The following GRID2 variants were observed in gnomAD, a reference collection of about 807,000 sequenced individuals.
The protein encoded by GRID2 is glutamate ionotropic receptor delta type subunit 2, also known as glutamate receptor ionotropic, delta-2.
GRID2 carries 33 observed loss-of-function variants against 114.8 expected under a neutral mutation model. The ratio of observed to expected loss-of-function variants is 0.29; its 90% CI spans 0.22 to 0.38. The LOEUF (loss-of-function observed/expected upper bound fraction) is 0.38, where lower values mean the gene tolerates loss of function less well. Ranked by LOEUF, GRID2 falls within the 10% of genes least tolerant of loss-of-function variation. The probability of loss-of-function intolerance (pLI) is 1.00; values close to 1 mark genes in which losing one functional copy is unlikely to be tolerated. For missense variants in GRID2, 1,184 were observed against 1,257.7 expected (o/e 0.94, Z 0.89); for synonymous variants, 505 against 449.9 (o/e 1.12, Z -1.55).
chr4:92,425,921 T>G lies in GRID2; in HGVS notation c.88+121177T>G, dbSNP rs188141477. ...TAGGTGTTATTATTATTTGTATTTTTTAATCAGGAAAATTATCCTCTATCT... is the reference window on the plus strand; with the variant it reads ...TAGGTGTTATTATTATTTGTATTTTGTAATCAGGAAAATTATCCTCTATCT... On this transcript the variant is annotated intron_variant, in intron 1 of 15. Transcript: ENST00000282020. Among the ~76,000 whole-genome samples, 3 of 152,238 alleles carry G rather than the reference T, an allele frequency of 2.0e-5. No individual in the cohort carries two copies. In the East Asian group the frequency reaches 5.8e-4, roughly 29 times the overall value.
intron 2 of GRID2, among the ~76,000 whole-genome samples, chr4:92,694,365 A>G (rs1221071804): frequency 6.6e-6 from 1 of 152,138 alleles, no homozygotes; most frequent in Non-Finnish European, 1.5e-5. Context: ...GATGGGAGAA[A>G]GCCACCTAGA....
At chr4:93,026,820 A>T (rs1723925065) in intron 2 of GRID2, among the ~76,000 whole-genome samples, 1 of 152,066 alleles carries the variant, frequency 6.6e-6, no homozygotes, top group Admixed American at 6.6e-5. Context: ...AATATCATTC[A>T]TTTATAATTT....
In GRID2 at chr4:92,817,041, A is replaced by G. The variant is rs1480223194; in HGVS notation, c.244+226755A>G. Among the ~76,000 whole-genome samples the G allele has an allele frequency of 4.6e-5, 7 of 151,956 alleles. 1 individual carries two copies. The highest frequency in any genetic ancestry group is 1.7e-4 in the African/African-American group (7 of 41,402). On this transcript the variant is annotated intron_variant, in intron 2 of 15. Transcript: ENST00000282020. ...CCATCTTGGATGGTTAAAACCTTCA[A>G]TGACCTTCACCTAGTTACACAATTC...
intron 1 of GRID2, among the ~76,000 whole-genome samples, chr4:92,562,210 A>C (rs1357608153): frequency 6.6e-6 from 1 of 152,142 alleles, no homozygotes; most frequent in East Asian, 1.9e-4. Context: ...GAAAAGAACA[A>C]GTTCAGTTTA....
intron 12 of GRID2, among the ~76,000 whole-genome samples, chr4:93,511,447 T>C (rs186675798): frequency 6.6e-6 from 1 of 152,302 alleles, no homozygotes; most frequent in African/African-American, 2.4e-5. Context: ...TTGATGCTAG[T>C]CTGATCAGAG....
At chr4:93,589,738 T>G (rs1429992039) in intron 13 of GRID2, among the ~76,000 whole-genome samples, 3 of 152,136 alleles carry the variant, frequency 2.0e-5, no homozygotes, top group African/African-American at 4.8e-5. Flanking sequence ...TTTTAATGAT[T>G]GCCATTCTAA....
At chr4:92,626,198 G>T (rs754242058) in intron 2 of GRID2, among the ~76,000 whole-genome samples, 1 of 151,938 alleles carries the variant, frequency 6.6e-6, no homozygotes, top group Non-Finnish European at 1.5e-5. Context: ...TAGCATGGGG[G>T]TATCTATAAT....
At chr4:92,656,029 A>T (rs1207873263) in intron 2 of GRID2, among the ~76,000 whole-genome samples, 1 of 151,608 alleles carries the variant, frequency 6.6e-6, no homozygotes, top group African/African-American at 2.4e-5. Context: ...TATTATTTTG[A>T]GATGTGGTCC....
At chr4:93,792,445 ATGAAAAC>A (rs1252440512) in intron 1 of GRID2, among the ~76,000 whole-genome samples, 1 of 152,108 alleles carries the variant, frequency 6.6e-6, no homozygotes, top group African/African-American at 2.4e-5. Context: ...CACCCGCAAA[ATGAAAAC>A]TGAAAACTGA....
intron 13 of GRID2, among the ~76,000 whole-genome samples, chr4:93,539,085 A>C (rs889819302): frequency 6.6e-6 from 1 of 151,874 alleles, no homozygotes; most frequent in Non-Finnish European, 1.5e-5. Flanking sequence ...CAGAATAAAT[A>C]GTTTACTTAA....
intron 14 of GRID2, among the ~76,000 whole-genome samples, chr4:93,661,951 C>G (rs1373777585): frequency 1.3e-5 from 2 of 152,172 alleles, no homozygotes; most frequent in African/African-American, 4.8e-5. Context: ...AATGGTCCTA[C>G]AGCATGTGGG....
chr4:92,697,316 C>A (rs1008051753), intron 2 of GRID2, among the ~76,000 whole-genome samples: 3 of 152,056 alleles, frequency 2.0e-5, no homozygotes, highest in African/African-American at 7.2e-5. Context: ...CCTGATGATA[C>A]CTTCATACAA....
At chr4:93,709,271 G>A (rs925107936) in intron 14 of GRID2, among the ~76,000 whole-genome samples, 1 of 152,076 alleles carries the variant, frequency 6.6e-6, no homozygotes, top group African/African-American at 2.4e-5. Flanking sequence ...TTGTAGGACA[G>A]GTCTGGTGCT....
At chr4:93,249,424 G>C (rs1460904156) in intron 8 of GRID2, among the ~76,000 whole-genome samples, 7 of 152,108 alleles carry the variant, frequency 4.6e-5, no homozygotes, top group African/African-American at 1.7e-4. Context: ...GCTAATGGTA[G>C]CTTGATGGGG....
At position 93,196,424 on chromosome 4, in the gene GRID2, T is replaced by C. The variant is rs146919670; in HGVS notation, c.736-10980T>C. 5.7e-4 allele frequency among the ~76,000 whole-genome samples: 87 copies of C among 152,266 alleles called. No individual in the cohort carries two copies. The East Asian group carries it at 0.016, about 28-fold the overall frequency. ...TTTTGCACAGAAAAACAATAAAACC[T>C]TTTGATTTTTGTTTTCCTGTGAAGT... On this transcript the variant is annotated intron_variant, in intron 4 of 15. Coordinates refer to ENST00000282020, the MANE Select transcript of GRID2 (RefSeq NM_001510.4).
At chr4:92,500,346 AT>A (rs1349894636) in intron 1 of GRID2, among the ~76,000 whole-genome samples, 1 of 152,004 alleles carries the variant, frequency 6.6e-6, no homozygotes, top group Non-Finnish European at 1.5e-5. Flanking sequence ...GTCATTAGTG[AT>A]TCTTCTGTTC....
At chr4:92,990,124 T>C (rs139324840) in intron 2 of GRID2, among the ~76,000 whole-genome samples, 31 of 152,136 alleles carry the variant, frequency 2.0e-4, no homozygotes, top group African/African-American at 7.0e-4. Flanking sequence ...TAATTTTTTA[T>C]GTAACCTTCT....
At chr4:93,765,608 T>TTATATATATATATATATATATA (rs66550272) in intron 14 of GRID2, among the ~76,000 whole-genome samples, 62 of 29,436 alleles carry the variant, frequency 2.1e-3, no homozygotes, top group African/African-American at 7.3e-3. Flanking sequence ...AGGTGAGGTA[T>TTATATATATATATATATATATA]TATATATATA....
At chr4:93,127,842 C>G (rs549111187) in intron 4 of GRID2, among the ~76,000 whole-genome samples, 141 of 151,238 alleles carry the variant, frequency 9.3e-4, no homozygotes, top group Admixed American at 2.3e-3. Context: ...ATAGGGAGAC[C>G]CTATCTCTAC....
Sources: allele counts gnomAD v4.1 joint callset (sites outside exome capture counted in the v4.1 genomes callset), GRCh38; gene constraint gnomAD v4.1.1; transcripts MANE v1.5; gene names NCBI Gene and HGNC (gene_info 2026-07-23, HGNC 2026-07-21).